Variants in CRADD observed in about 807,000 individuals in gnomAD.
The protein encoded by CRADD is CARD and death domain containing adaptor protein.
Under a neutral mutation model 15.5 loss-of-function variants are expected in CRADD, and 9 were observed. That is an observed-to-expected ratio of 0.58 (90% CI 0.35 to 1.01). CRADD has a LOEUF of 1.01. Ranked by LOEUF, CRADD falls within the 50% of genes least tolerant of loss-of-function variation. The probability of loss-of-function intolerance (pLI) is 0.02; values close to 1 mark genes in which losing one functional copy is unlikely to be tolerated. For synonymous variants in CRADD, 118 were observed against 107.6 expected (o/e 1.10, Z -0.60); for missense variants, 227 against 250.3 (o/e 0.91, Z 0.63).
intron 2 of CRADD, among the ~76,000 whole-genome samples, chr12:93,728,321 T>C (rs1956404988): frequency 6.6e-6 from 1 of 152,204 alleles, no homozygotes; most frequent in Admixed American, 6.5e-5. Flanking sequence ...AGGAATAAAC[T>C]TAACAGAAAT....
chr12:93,796,262 A>C (rs1397795765), intron 2 of CRADD, among the ~76,000 whole-genome samples: 1 of 152,120 alleles, frequency 6.6e-6, no homozygotes, highest in Non-Finnish European at 1.5e-5. Context: ...GCATGGTATA[A>C]ATACAAATCT....
chr12:93,740,470 A>G (rs1350400883), intron 2 of CRADD, among the ~76,000 whole-genome samples: 1 of 152,032 alleles, frequency 6.6e-6, no homozygotes, highest in Non-Finnish European at 1.5e-5. Flanking sequence ...TTGGGGGAGG[A>G]TTGTCAGATT....
intron 2 of CRADD, chr12:93,735,595 C>A (rs976668993): frequency 6.6e-6 from 1 of 152,106 alleles, no homozygotes; most frequent in Non-Finnish European, 1.5e-5. Flanking sequence ...GTTCTTCATG[C>A]TGACATTAGA....
At chr12:93,698,981 C>T (rs371032765) in intron 2 of CRADD, among the ~76,000 whole-genome samples, 2 of 152,264 alleles carry the variant, frequency 1.3e-5, no homozygotes, top group East Asian at 3.9e-4. Flanking sequence ...TGTTTACTAT[C>T]TGGCCCTTTA....
chr12:93,792,082 A>G (rs1957356175), intron 2 of CRADD, among the ~76,000 whole-genome samples: 1 of 152,168 alleles, frequency 6.6e-6, no homozygotes, highest in African/African-American at 2.4e-5. Flanking sequence ...TTAGCCATAT[A>G]TAAGTAACCA....
At chr12:93,726,213 C>T (rs1250253021) in intron 2 of CRADD, among the ~76,000 whole-genome samples, 2 of 147,738 alleles carry the variant, frequency 1.4e-5, no homozygotes, top group African/African-American at 2.5e-5. Context: ...AAGCGATTCT[C>T]CTGTCTCAGC....
At chr12:93,821,126 A>C (rs373250872) in intron 2 of CRADD, among the ~76,000 whole-genome samples, 6 of 152,220 alleles carry the variant, frequency 3.9e-5, no homozygotes, top group African/African-American at 1.4e-4. Flanking sequence ...TTTACCTAAA[A>C]TATAGACCCA....
At chr12:93,858,296 A>C (rs979734417) in intron 2 of CRADD, among the ~76,000 whole-genome samples, 3 of 152,216 alleles carry the variant, frequency 2.0e-5, no homozygotes, top group Admixed American at 1.3e-4. Flanking sequence ...CAAAGAAAAG[A>C]ATGAGCCTGG....
intron 2 of CRADD, among the ~76,000 whole-genome samples, chr12:93,827,701 A>G (rs1396201693): frequency 1.3e-5 from 2 of 152,112 alleles, no homozygotes; most frequent in African/African-American, 2.4e-5. Flanking sequence ...CGTTTCTTCC[A>G]TATCTATGCC....
chr12:93,752,270 A>G (rs145623914), intron 2 of CRADD, among the ~76,000 whole-genome samples: 4 of 152,324 alleles, frequency 2.6e-5, no homozygotes, highest in Admixed American at 2.6e-4. Flanking sequence ...TGGCTAACTC[A>G]TGATTCAGAA....
At chr12:93,686,090 A>G (rs909846060) in intron 2 of CRADD, among the ~76,000 whole-genome samples, 5 of 151,814 alleles carry the variant, frequency 3.3e-5, no homozygotes, top group African/African-American at 1.2e-4. Context: ...ACTTGAGGTC[A>G]GGAGTTTGAG....
rs568783926 is a variant in CRADD, at chr12:93,802,318, G to C, written c.299-47652G>C. On this transcript the variant is annotated intron_variant, in intron 2 of 2. Coordinates refer to ENST00000332896, the MANE Select transcript of CRADD (RefSeq NM_003805.5). ...TTACATTCCCACCAGCAGGGTAAAA[G>C]TGTTTCCTTTTAACCACATCCATGC... 2.6e-4 allele frequency among the ~76,000 whole-genome samples: 40 copies of C among 152,330 alleles called. No individual in the cohort carries two copies. The South Asian group carries it at 3.7e-3, about 14-fold the overall frequency.
At chr12:93,894,105 C>A in exon 3 of CRADD, 1 of 702,502 alleles carries the variant, frequency 1.4e-6, no homozygotes, top group South Asian at 1.5e-5. Flanking sequence ...CACAGCTCAC[C>A]TGGAGATTCT....
intron 2 of CRADD, among the ~76,000 whole-genome samples, chr12:93,746,489 C>T (rs1429190145): frequency 1.3e-5 from 2 of 152,154 alleles, no homozygotes; most frequent in Non-Finnish European, 2.9e-5. Flanking sequence ...GGGAATGGGA[C>T]GTGGAACCTG....
chr12:93,885,106 C>T lies in CRADD; in HGVS notation c.299-8944C>T, dbSNP rs117581019. ...AGAAGGTATTGTCTTCCCTGTTTTT[C>T]GTATAAGGAAACTGAGATGTGGAAA... On this transcript the variant is annotated intron_variant, in intron 2 of 2. Transcript: ENST00000548483. Among the ~76,000 whole-genome samples, 190 of 152,212 alleles carry T rather than the reference C, an allele frequency of 1.2e-3. No individual in the cohort carries two copies. The East Asian group carries it at 0.028, about 23-fold the overall frequency.
rs545744889 is a variant in CRADD, at chr12:93,791,011, G to A, written c.299-58959G>A. Among the ~76,000 whole-genome samples, 10 of 151,676 alleles carry A rather than the reference G, an allele frequency of 6.6e-5. No homozygotes were observed. The East Asian group carries it at 1.9e-3, about 29-fold the overall frequency. On this transcript the variant is annotated intron_variant, in intron 2 of 2. Coordinates refer to ENST00000332896, the MANE Select transcript of CRADD (RefSeq NM_003805.5). ...TCCTGCCTTTTCATTCATACATTGG[G>A]GTTGGGATCTCTGCTACCACAGGAG...
chr12:93,874,915 T>C (rs143636195), intron 2 of CRADD, among the ~76,000 whole-genome samples: 13 of 152,234 alleles, frequency 8.5e-5, no homozygotes, highest in African/African-American at 2.9e-4. Flanking sequence ...TGAAACGTTC[T>C]GTAAATATTT....
chr12:93,823,941 G>A (rs1299579077), intron 2 of CRADD, among the ~76,000 whole-genome samples: 1 of 152,166 alleles, frequency 6.6e-6, no homozygotes, highest in Non-Finnish European at 1.5e-5. Context: ...AAGCAGCTTG[G>A]GAACAACTCT....
intron 2 of CRADD, among the ~76,000 whole-genome samples, chr12:93,686,187 G>T (rs1184092706): frequency 6.6e-6 from 1 of 150,894 alleles, no homozygotes; most frequent in East Asian, 2.0e-4. Context: ...TGTAATCCTA[G>T]CTAGTCAGGA....
Sources: gnomAD v4.1 joint callset for allele counts (sites outside exome capture counted in the v4.1 genomes callset) on GRCh38, gnomAD v4.1.1 for gene constraint, MANE v1.5 for transcripts, NCBI Gene and HGNC (gene_info 2026-07-23, HGNC 2026-07-21) for gene names.